The following COL9A1 variants were observed in gnomAD, a reference collection of about 807,000 sequenced individuals.
The protein encoded by COL9A1 is collagen type IX alpha 1 chain.
Under a neutral mutation model 142.6 loss-of-function variants are expected in COL9A1, and 104 were observed. The observed-to-expected ratio is 0.73, with a 90% CI of 0.62 to 0.86. The LOEUF (loss-of-function observed/expected upper bound fraction) is 0.86. COL9A1 is among the 40% of genes least tolerant of loss of function. The probability of loss-of-function intolerance (pLI) is 0.00; values close to 1 mark genes in which losing one functional copy is unlikely to be tolerated. For missense variants in COL9A1, 1,210 were observed against 1,176.6 expected, an observed-to-expected ratio of 1.03 and a Z score of -0.42; for synonymous variants, 466 against 396.0, an observed-to-expected ratio of 1.18 and a Z score of -2.10.
At chr6:70,280,343 G>A in intron 10 of COL9A1, 1 of 1,195,046 alleles carries the variant, frequency 8.4e-7, no homozygotes. Context: ...GGAGTGCTCT[G>A]GCCCTTTGCC....
chr6:70,300,031 T>C lies in COL9A1; in HGVS notation c.299+12A>G, dbSNP rs1368478427. 6.2e-6 allele frequency: 10 copies of C among 1,612,926 alleles called. No individual in the cohort carries two copies. Among genetic ancestry groups the C allele is most frequent in the Middle Eastern group, 1.6e-4 (1 of 6,074 alleles). The stretch of plus-strand genomic sequence containing the variant: ...GTCAGATAATTAGATTAAAATATTT[T>C]TGATAGATTACCTAGTTGGAATCCT... On this transcript the variant is annotated intron_variant, in intron 4 of 37. Transcript: ENST00000357250.
chr6:70,295,834 T>A (rs1773832126), intron 4 of COL9A1, among the ~76,000 whole-genome samples: 1 of 152,180 alleles, frequency 6.6e-6, no homozygotes, highest in Non-Finnish European at 1.5e-5. Flanking sequence ...ACATTATGTC[T>A]TTTTACATTT....
At chr6:70,230,592 T>G (rs879262398) in intron 36 of COL9A1, among the ~76,000 whole-genome samples, 16 of 152,194 alleles carry the variant, frequency 1.1e-4, no homozygotes, top group Non-Finnish European at 1.5e-5. Context: ...TATAGAAATT[T>G]ACTTTTGTTT....
chr6:70,220,967 G>A (rs1295201852), intron 37 of COL9A1, among the ~76,000 whole-genome samples: 1 of 151,884 alleles, frequency 6.6e-6, no homozygotes, highest in Non-Finnish European at 1.5e-5. Flanking sequence ...TTGAGATGAT[G>A]GATATACTAA....
chr6:70,247,976 C>T (rs566852811), intron 28 of COL9A1, among the ~76,000 whole-genome samples: 5 of 152,190 alleles, frequency 3.3e-5, no homozygotes, highest in African/African-American at 9.6e-5. Flanking sequence ...TAAAGGACTA[C>T]GAGAGAAAGT....
At chr6:70,247,196 A>T (rs1770660452) in intron 28 of COL9A1, among the ~76,000 whole-genome samples, 2 of 152,232 alleles carry the variant, frequency 1.3e-5, no homozygotes, top group African/African-American at 4.8e-5. Flanking sequence ...AGTTTCTGTC[A>T]ACATCACTGA....
At chr6:70,289,879 A>G (rs762021335) in intron 5 of COL9A1, among the ~76,000 whole-genome samples, 2 of 152,184 alleles carry the variant, frequency 1.3e-5, no homozygotes, top group Non-Finnish European at 2.9e-5. Flanking sequence ...CATGAAACTT[A>G]TATTGTTTTT....
At chr6:70,268,713 G>A in intron 17 of COL9A1, 91 bp downstream of exon 17, 6 of 1,143,532 alleles carry the variant, frequency 5.2e-6, no homozygotes, top group Non-Finnish European at 6.5e-6. Flanking sequence ...ATCCAAGTGG[G>A]GTCTCTGCAC....
intron 36 of COL9A1, among the ~76,000 whole-genome samples, chr6:70,226,472 T>C (rs930435189): frequency 5.3e-5 from 8 of 152,062 alleles, no homozygotes; most frequent in African/African-American, 1.9e-4. Context: ...TATGAATATA[T>C]ATCTTAAAAC....
intron 35 of COL9A1, 64 bp downstream of exon 35, chr6:70,234,475 A>G (rs1769767162): frequency 1.2e-5 from 18 of 1,541,736 alleles, no homozygotes; most frequent in Non-Finnish European, 1.6e-5. Context: ...TGTATCTACA[A>G]GAATAAAATC....
At chr6:70,288,080 C>A (rs564460340) in intron 5 of COL9A1, among the ~76,000 whole-genome samples, 46 of 152,304 alleles carry the variant, frequency 3.0e-4, no homozygotes, top group African/African-American at 1.0e-3. Flanking sequence ...TATTTACCAA[C>A]TTCATCTAGA....
chr6:70,287,567 T>C (rs1314198576), intron 5 of COL9A1, among the ~76,000 whole-genome samples: 2 of 152,206 alleles, frequency 1.3e-5, no homozygotes, highest in African/African-American at 4.8e-5. Context: ...CCACTTCAGC[T>C]GCCATCCTCT....
intron 4 of COL9A1, among the ~76,000 whole-genome samples, 188 bp from the exon 5 acceptor site, chr6:70,294,751 C>T (rs1459676863): frequency 6.6e-6 from 1 of 152,174 alleles, no homozygotes. Context: ...CATTCCTGTA[C>T]ATTCATGGTC....
At chr6:70,258,091 T>A (rs543394353) in intron 20 of COL9A1, among the ~76,000 whole-genome samples, 8 of 152,226 alleles carry the variant, frequency 5.3e-5, no homozygotes, top group Non-Finnish European at 1.2e-4. Flanking sequence ...GGCTAACATA[T>A]TGTACACTAT....
intron 10 of COL9A1, among the ~76,000 whole-genome samples, chr6:70,276,550 G>A (rs999292924): frequency 6.6e-6 from 1 of 152,136 alleles, no homozygotes; most frequent in Non-Finnish European, 1.5e-5. Flanking sequence ...GCTAAATTAT[G>A]TCAATCACTG....
At chr6:70,267,349 C>CTTTTTTGTTT in intron 17 of COL9A1, among the ~76,000 whole-genome samples, 1 of 47,814 alleles carries the variant, frequency 2.1e-5, no homozygotes. Flanking sequence ...TGAGATGGAG[C>CTTTTTTGTTT]TTCGCTCTTG....
downstream of COL9A1, chr6:70,215,999 GA>G (rs556646276): frequency 1.1e-4 from 17 of 151,564 alleles, no homozygotes; most frequent in East Asian, 3.3e-3. Flanking sequence ...ACTTTATGTA[GA>G]AAAAACACTA....
In COL9A1 at chr6:70,264,562, T is replaced by G. The variant is rs546523332; in HGVS notation, c.1342-1265A>C. Reference sequence around the variant, plus strand: ...TTCTACTTCTATTTCCCTACAAAAATATAAAACTAGATACAAAACAGCAGT... The same window carrying G: ...TTCTACTTCTATTTCCCTACAAAAAGATAAAACTAGATACAAAACAGCAGT... On this transcript the variant is annotated intron_variant, in intron 18 of 37. Coordinates refer to ENST00000357250, the MANE Select transcript of COL9A1 (RefSeq NM_001851.6). 2.8e-3 allele frequency among the ~76,000 whole-genome samples: 431 copies of G among 152,096 alleles called. 2 individuals are homozygous for G. The highest frequency in any genetic ancestry group is 9.6e-3 in the African/African-American group (398 of 41,560).
chr6:70,289,927 A>AG (rs1388998109), intron 5 of COL9A1, among the ~76,000 whole-genome samples: 4 of 152,182 alleles, frequency 2.6e-5, no homozygotes, highest in African/African-American at 9.6e-5. Context: ...CTGTGGATGG[A>AG]GAAAAGTACA....
Sources: allele counts gnomAD v4.1 joint callset (sites outside exome capture counted in the v4.1 genomes callset), GRCh38; gene constraint gnomAD v4.1.1; transcripts MANE v1.5; gene names NCBI Gene and HGNC (gene_info 2026-07-23, HGNC 2026-07-21).